SCMH1: variants seen among roughly 807,000 people sequenced by gnomAD.
SCMH1 encodes the protein Scm polycomb group protein homolog 1.
Under a neutral mutation model 70.8 loss-of-function variants are expected in SCMH1, and 37 were observed. The observed-to-expected ratio is 0.52, with a 90% CI of 0.40 to 0.69. The LOEUF is 0.69. SCMH1 is among the 30% of genes least tolerant of loss of function. SCMH1 has a pLI of 0.00. For missense variants in SCMH1, 607 were observed against 827.3 expected (o/e 0.73, Z 3.27); for synonymous variants, 292 against 307.4 (o/e 0.95, Z 0.52).
rs543816492 is a variant in SCMH1 at position 41,042,334 on chromosome 1, C to T, written c.1498+4073G>A. Among the ~76,000 whole-genome samples, 11 of 152,084 alleles carry T rather than the reference C, an allele frequency of 7.2e-5. No individual in the cohort carries two copies. The South Asian group carries it at 1.0e-3, about 14-fold the overall frequency. ...TGCGATCTCAGCTCACTGCAACCTCCGCCTCCCAGGTTCAAGCGATTCTCC... is the reference window on the plus strand; with the variant it reads ...TGCGATCTCAGCTCACTGCAACCTCTGCCTCCCAGGTTCAAGCGATTCTCC... On this transcript the variant is annotated intron_variant, in intron 12 of 14. Transcript: ENST00000337495.
intron 10 of SCMH1, among the ~76,000 whole-genome samples, chr1:41,049,464 A>G (rs540427322): frequency 1.3e-5 from 2 of 152,124 alleles, no homozygotes; most frequent in African/African-American, 4.8e-5. Context: ...ATTTTAAAAA[A>G]AATTGGATTA....
At chr1:41,070,674 GGTT>G in exon 10 of SCMH1, 1 of 1,614,082 alleles carries the variant, frequency 6.2e-7, no homozygotes, top group South Asian at 1.1e-5. Context: ...CAGGAGTGCT[GGTT>G]GTTGGTGAGG....
intron 2 of SCMH1, among the ~76,000 whole-genome samples, chr1:41,165,413 T>C (rs1055287455): frequency 6.6e-6 from 1 of 152,112 alleles, no homozygotes; most frequent in South Asian, 2.1e-4. Context: ...AGTAGTGGGA[T>C]TGATGCATCA....
chr1:41,149,566 G>A (rs1644879946), intron 5 of SCMH1, among the ~76,000 whole-genome samples: 1 of 152,142 alleles, frequency 6.6e-6, no homozygotes, highest in African/African-American at 2.4e-5. Flanking sequence ...AATTTTACCT[G>A]ATGGGTACTG....
chr1:41,101,396 A>G (rs553877208), intron 8 of SCMH1, among the ~76,000 whole-genome samples: 2 of 152,188 alleles, frequency 1.3e-5, no homozygotes, highest in Non-Finnish European at 2.9e-5. Flanking sequence ...CTAAGACTCT[A>G]TGACTTTTTA....
chr1:41,055,388 C>T (rs1464354559), intron 10 of SCMH1, among the ~76,000 whole-genome samples: 3 of 151,822 alleles, frequency 2.0e-5, no homozygotes, highest in Admixed American at 6.6e-5. Flanking sequence ...CTCACTCTGT[C>T]GCCCAGGCTG....
chr1:41,100,490 C>G (rs1378991431), intron 8 of SCMH1, among the ~76,000 whole-genome samples: 1 of 151,810 alleles, frequency 6.6e-6, no homozygotes, highest in African/African-American at 2.4e-5. Context: ...ATGACCATTA[C>G]AGAATACAAA....
chr1:41,131,526 G>T (rs1478275547), intron 6 of SCMH1, among the ~76,000 whole-genome samples: 2 of 152,010 alleles, frequency 1.3e-5, no homozygotes, highest in African/African-American at 4.8e-5. Flanking sequence ...TCTGTGGCCT[G>T]TATTTTCTTT....
chr1:41,047,392 CTTTTT>C (rs397861246), intron 11 of SCMH1, among the ~76,000 whole-genome samples: 1 of 112,450 alleles, frequency 8.9e-6, no homozygotes. Context: ...ACTTCCCAGT[CTTTTT>C]TTTTTTTTTT....
At chr1:41,180,495 A>G (rs1648422429) in intron 2 of SCMH1, among the ~76,000 whole-genome samples, 1 of 152,248 alleles carries the variant, frequency 6.6e-6, no homozygotes, top group African/African-American at 2.4e-5. Flanking sequence ...CAACTTCAGC[A>G]AAGTCTCAGG....
chr1:41,061,636 C>G (rs1652693105), intron 10 of SCMH1, among the ~76,000 whole-genome samples: 1 of 152,154 alleles, frequency 6.6e-6, no homozygotes, highest in Non-Finnish European at 1.5e-5. Context: ...TAGTTGGAGA[C>G]TTCAACACCC....
At position 41,067,356 on chromosome 1, in the gene SCMH1, A is replaced by G. The variant is rs536950685; in HGVS notation, c.1105+3239T>C. On this transcript the variant is annotated intron_variant, in intron 10 of 14. Coordinates refer to ENST00000337495, the Ensembl canonical transcript of SCMH1. ...GTACTCGGAAGGCTGAGGCAGGAGA[A>G]TGGCGTGAACCTGGGAGGTGAAGGT... Among the ~76,000 whole-genome samples the G allele has an allele frequency of 2.6e-5, 4 of 151,214 alleles. No individual in the cohort carries two copies. The South Asian group carries it at 8.4e-4, about 32-fold the overall frequency.
exon 9 of SCMH1, chr1:41,075,341 T>C (rs1657948411): frequency 6.2e-7 from 1 of 1,614,162 alleles, no homozygotes; most frequent in African/African-American, 1.3e-5. Flanking sequence ...TTTCCTGGTT[T>C]ACGCCCCCTC....
At chr1:41,121,380 G>A (rs986464834) in intron 6 of SCMH1, among the ~76,000 whole-genome samples, 12 of 152,106 alleles carry the variant, frequency 7.9e-5, no homozygotes, top group South Asian at 4.1e-4. Flanking sequence ...CATTAATATC[G>A]TCAAATATTT....
chr1:41,211,946 C>G (rs1466029031), intron 1 of SCMH1, among the ~76,000 whole-genome samples: 2 of 152,106 alleles, frequency 1.3e-5, no homozygotes, highest in African/African-American at 4.8e-5. Context: ...TGTTCTCACT[C>G]ATAGGTGGGA....
At chr1:41,144,904 C>G (rs1313991363) in intron 5 of SCMH1, among the ~76,000 whole-genome samples, 1 of 152,070 alleles carries the variant, frequency 6.6e-6, no homozygotes, top group Admixed American at 6.6e-5. Flanking sequence ...GGAGAAATAT[C>G]TATTCAAATT....
At chr1:41,180,213 C>T (rs1425541836) in intron 2 of SCMH1, among the ~76,000 whole-genome samples, 6 of 152,116 alleles carry the variant, frequency 3.9e-5, no homozygotes, top group Non-Finnish European at 5.9e-5. Context: ...TGGGACATAT[C>T]TCAAAATAGT....
At chr1:41,163,455 G>C (rs1646205731) in intron 2 of SCMH1, among the ~76,000 whole-genome samples, 2 of 152,208 alleles carry the variant, frequency 1.3e-5, no homozygotes, top group African/African-American at 4.8e-5. Flanking sequence ...ACTGGCCACA[G>C]GTTTCCGGCC....
intron 6 of SCMH1, among the ~76,000 whole-genome samples, chr1:41,134,017 T>C (rs1642839921): frequency 6.6e-6 from 1 of 152,146 alleles, no homozygotes; most frequent in African/African-American, 2.4e-5. Context: ...TGATGAACAT[T>C]GATGCAAAAA....
Sources: allele counts gnomAD v4.1 joint callset (sites outside exome capture counted in the v4.1 genomes callset), GRCh38; gene constraint gnomAD v4.1.1; transcripts MANE v1.5; gene names NCBI Gene and HGNC (gene_info 2026-07-23, HGNC 2026-07-21).